CDH2: variants seen among roughly 807,000 people sequenced by gnomAD.
CDH2 encodes the protein cadherin 2, also known as cadherin-2.
A neutral mutation model predicts 92.0 loss-of-function variants in CDH2; 17 were observed. The ratio of observed to expected loss-of-function variants is 0.18; its 90% CI spans 0.13 to 0.28. CDH2 has a LOEUF of 0.28. Ranked by LOEUF, CDH2 falls within the 10% of genes least tolerant of loss-of-function variation. CDH2 has a pLI of 1.00. For synonymous variants in CDH2, 419 were observed against 415.9 expected (o/e 1.01, Z -0.09); for missense variants, 862 against 1,133.1 (o/e 0.76, Z 3.44).
chr18:27,937,916 G>A (rs1184698401), intron 6 of CDH2, among the ~76,000 whole-genome samples: 4 of 152,100 alleles, frequency 2.6e-5, no homozygotes, highest in Middle Eastern at 3.4e-3. Flanking sequence ...TAAAAATATA[G>A]GCATATGATA....
chr18:28,042,905 A>G (rs2013975739), intron 2 of CDH2, among the ~76,000 whole-genome samples: 2 of 152,212 alleles, frequency 1.3e-5, no homozygotes, highest in South Asian at 4.1e-4. Context: ...CATAATGTTG[A>G]TATTTGAAAA....
At chr18:27,956,801 A>C (rs1211438209) in intron 15 of CDH2, among the ~76,000 whole-genome samples, 1 of 152,190 alleles carries the variant, frequency 6.6e-6, no homozygotes, top group East Asian at 1.9e-4. Context: ...TATTTAAGAA[A>C]ATTAACTTAA....
At chr18:28,043,495 A>ATATATATATATATATAT (rs1567976503) in intron 2 of CDH2, among the ~76,000 whole-genome samples, 20 of 87,370 alleles carry the variant, frequency 2.3e-4, no homozygotes, top group Non-Finnish European at 3.0e-4. Flanking sequence ...TATATATATA[A>ATATATATATATATATAT]ATATATATAT....
intron 2 of CDH2, among the ~76,000 whole-genome samples, chr18:28,089,066 A>C (rs758285821): frequency 1.6e-4 from 24 of 152,224 alleles, no homozygotes; most frequent in Admixed American, 8.5e-4. Flanking sequence ...ACTGAATAGA[A>C]GTATAACAGA....
At chr18:27,963,565 A>AGAT in intron 14 of CDH2, 44 bp from the exon 15 acceptor site, 1 of 1,585,030 alleles carries the variant, frequency 6.3e-7, no homozygotes, top group Admixed American at 1.7e-5. Flanking sequence ...ATGGGCACAA[A>AGAT]GATAGAAAAT....
chr18:27,990,905 C>T (rs1427938766), intron 9 of CDH2, among the ~76,000 whole-genome samples: 1 of 152,146 alleles, frequency 6.6e-6, no homozygotes, highest in Non-Finnish European at 1.5e-5. Flanking sequence ...TACATAATCG[C>T]ACACACACCT....
intron 2 of CDH2, among the ~76,000 whole-genome samples, chr18:28,115,103 G>A (rs1313819114): frequency 1.3e-5 from 2 of 152,116 alleles, no homozygotes; most frequent in Non-Finnish European, 2.9e-5. Context: ...GAGAACCTTG[G>A]AGTGGCAGGA....
intron 2 of CDH2, among the ~76,000 whole-genome samples, chr18:28,016,565 CA>C (rs1378839305): frequency 2.6e-5 from 4 of 152,086 alleles, no homozygotes; most frequent in Admixed American, 6.6e-5. Context: ...CAGATTATGT[CA>C]CATGTTAACC....
At chr18:27,959,443 T>G (rs754579163) in intron 15 of CDH2, 1 of 152,242 alleles carries the variant, frequency 6.6e-6, no homozygotes, top group Non-Finnish European at 1.5e-5. Flanking sequence ...CTAAATCAAA[T>G]AAGACCTGCA....
chr18:27,953,478 G>C (rs1909560156), intron 15 of CDH2, among the ~76,000 whole-genome samples: 2 of 151,858 alleles, frequency 1.3e-5, no homozygotes, highest in South Asian at 4.2e-4. Flanking sequence ...TCAAATGCTA[G>C]TTGGCTTATA....
chr18:27,955,990 C>A (rs1263579332), intron 15 of CDH2, among the ~76,000 whole-genome samples: 3 of 152,012 alleles, frequency 2.0e-5, no homozygotes, highest in Non-Finnish European at 4.4e-5. Context: ...TAAAATATGA[C>A]TCTTCTGAAC....
At position 28,166,149 on chromosome 18, in the gene CDH2, C is replaced by CATATATATATATATATATATATATATAT. The variant is rs35562216; in HGVS notation, c.60+10813_60+10814insATATATATATATATATATATATATATAT. Among the ~76,000 whole-genome samples, 48 of 59,244 alleles carry CATATATATATATATATATATATATATAT rather than the reference C, an allele frequency of 8.1e-4. 1 individual carries two copies. Among genetic ancestry groups the CATATATATATATATATATATATATATAT allele is most frequent in the African/African-American group, 1.1e-3 (15 of 13,354 alleles). The allele number at this position is 59,244 out of a possible 152,430, so 38.9% of individuals were successfully genotyped here. A position where few individuals can be genotyped will look rare whatever the true frequency, so the allele number is the denominator to read the frequency against. ...CAAAGAGGAGTAATTCAGACACACT[C>CATATATATATATATATATATATATATAT]ATATATATATATATATATATATATG... On this transcript the variant is annotated intron_variant, in intron 1 of 15. Coordinates refer to ENST00000269141, the MANE Select transcript of CDH2 (RefSeq NM_001792.5).
intron 1 of CDH2, among the ~76,000 whole-genome samples, chr18:28,153,027 A>G (rs2016149519): frequency 6.6e-6 from 1 of 152,218 alleles, no homozygotes. Flanking sequence ...TTGCAAAACT[A>G]TAATGTCAGG....
At chr18:28,074,395 T>G (rs2014678199) in intron 2 of CDH2, among the ~76,000 whole-genome samples, 1 of 152,122 alleles carries the variant, frequency 6.6e-6, no homozygotes, top group African/African-American at 2.4e-5. Context: ...ATTCCAGTTT[T>G]AATGGGTCTT....
At chr18:28,043,319 G>A (rs73400040) in intron 2 of CDH2, among the ~76,000 whole-genome samples, 3,465 of 151,272 alleles carry the variant, frequency 0.023, 108 homozygotes, top group African/African-American at 0.074. Context: ...GGTGGGAGGC[G>A]GGTGAAGGAT....
intron 2 of CDH2, among the ~76,000 whole-genome samples, chr18:28,121,920 A>G (rs2015594698): frequency 6.6e-6 from 1 of 152,130 alleles, no homozygotes; most frequent in African/African-American, 2.4e-5. Flanking sequence ...TGTACAGCCC[A>G]GAGAGTTTGG....
intron 2 of CDH2, among the ~76,000 whole-genome samples, chr18:28,143,992 T>G (rs1354811387): frequency 6.6e-6 from 1 of 151,842 alleles, no homozygotes; most frequent in African/African-American, 2.4e-5. Flanking sequence ...CACCAGGAAC[T>G]GTCGGTGGGT....
intron 2 of CDH2, among the ~76,000 whole-genome samples, chr18:28,090,332 C>T (rs943015195): frequency 4.6e-5 from 7 of 152,074 alleles, no homozygotes; most frequent in South Asian, 2.1e-4. Flanking sequence ...CATTGGCTGA[C>T]GTATGGATTT....
In CDH2 at chr18:28,087,337, C is replaced by T. The variant is rs567487568; in HGVS notation, c.172+60336G>A. Among the ~76,000 whole-genome samples, 6 of 152,240 alleles carry T rather than the reference C, an allele frequency of 3.9e-5. No homozygotes were observed. In the South Asian group the frequency reaches 1.0e-3, roughly 26 times the overall value. On this transcript the variant is annotated intron_variant, in intron 2 of 15. Coordinates refer to ENST00000269141, the MANE Select transcript of CDH2 (RefSeq NM_001792.5). ...GACAAAGATGTAAACACAATAAGCC[C>T]GCCTAAAGAAAGCAAAAGCACATGT...
Sources: gnomAD v4.1 joint callset for allele counts (sites outside exome capture counted in the v4.1 genomes callset) on GRCh38, gnomAD v4.1.1 for gene constraint, MANE v1.5 for transcripts, NCBI Gene and HGNC (gene_info 2026-07-23, HGNC 2026-07-21) for gene names.